Variants in ZNF407 observed in about 807,000 individuals in gnomAD.
The protein encoded by ZNF407 is zinc finger protein 407.
A neutral mutation model predicts 131.2 loss-of-function variants in ZNF407; 17 were observed. The observed-to-expected ratio is 0.13, with a 90% CI of 0.09 to 0.19. The LOEUF (loss-of-function observed/expected upper bound fraction) is 0.19. Among genes scored for constraint, ZNF407 ranks in the 10% least tolerant of loss-of-function variants. The probability of loss-of-function intolerance (pLI) is 1.00; values close to 1 mark genes in which losing one functional copy is unlikely to be tolerated. For missense variants in ZNF407, 2,681 were observed against 2,830.6 expected, an observed-to-expected ratio of 0.95 and a Z score of 1.20; for synonymous variants, 1,156 against 1,062.0, an observed-to-expected ratio of 1.09 and a Z score of -1.72.
chr18:74,755,839 C>CCCTT (rs1968942510), intron 3 of ZNF407, among the ~76,000 whole-genome samples: 5 of 121,128 alleles, frequency 4.1e-5, no homozygotes, highest in South Asian at 3.3e-4. Context: ...TCCCTTCCCT[C>CCCTT]CCTCCCTTCC....
At chr18:74,857,092 C>T (rs1476953704) in intron 4 of ZNF407, among the ~76,000 whole-genome samples, 1 of 152,184 alleles carries the variant, frequency 6.6e-6, no homozygotes, top group Non-Finnish European at 1.5e-5. Flanking sequence ...TACTGCAGCT[C>T]TAATAGTTCT....
In ZNF407 at chr18:75,064,652, C is replaced by A. The variant is rs1183825957; in HGVS notation, c.*184C>A. ...CCAGCCAGGCGCCCACAGAGGGTAC[C>A]GTGGGCTGGGCCTCGGGGAGCAGGC... On this transcript the variant is annotated 3_prime_UTR_variant, in exon 9 of 9. Coordinates refer to ENST00000299687, the MANE Select transcript of ZNF407 (RefSeq NM_017757.3). 1.6e-5 allele frequency: 9 copies of A among 555,634 alleles called. No homozygotes were observed. Among genetic ancestry groups the A allele is most frequent in the Non-Finnish European group, 2.6e-5 (9 of 342,216 alleles). The allele number at this position is 555,634 out of a possible 1,614,324, so 34.4% of individuals were successfully genotyped here. A position where few individuals can be genotyped will look rare whatever the true frequency, so the allele number is the denominator to read the frequency against.
rs1438228848 is a variant in ZNF407 at position 74,632,648 on chromosome 18, G to A, written c.1629G>A (p.Leu543=). 6.2e-7 allele frequency: 1 copy of A among 1,614,016 alleles called. No individual in the cohort carries two copies. Among genetic ancestry groups the A allele is most frequent in the Non-Finnish European group, 8.5e-7 (1 of 1,179,892 alleles). ...CGQVATNRTD[L]EIHVKRCHAR... Reference sequence around the variant, plus strand: ...AAGTAGCTACAAATAGGACAGATTTGGAAATCCATGTGAAAAGGTGCCATG... The same window carrying A: ...AAGTAGCTACAAATAGGACAGATTTAGAAATCCATGTGAAAAGGTGCCATG... The change falls in exon 2 of 9, where the codon TTG becomes TTA. Residue 543 remains leucine, a synonymous_variant. Coordinates refer to ENST00000299687, the MANE Select transcript of ZNF407 (RefSeq NM_017757.3).
At chr18:74,975,012 G>A (rs997527237) in intron 8 of ZNF407, among the ~76,000 whole-genome samples, 9 of 152,182 alleles carry the variant, frequency 5.9e-5, no homozygotes, top group African/African-American at 2.2e-4. Context: ...TTCTGGGACT[G>A]TGCCCATTAA....
Position 74,980,559 on chromosome 18 carries a change from G to A in ZNF407, c.5428+59867G>A, listed in dbSNP as rs533249022. ...ACCTCTCAGGTGATCCACCCGCCTC[G>A]GCCTCCTAAAGTGCTGAGATTACAG... On this transcript the variant is annotated intron_variant, in intron 8 of 8. Coordinates refer to ENST00000299687, the MANE Select transcript of ZNF407 (RefSeq NM_017757.3). Among the ~76,000 whole-genome samples the A allele has an allele frequency of 5.9e-5, 9 of 152,072 alleles. No homozygotes were observed. The East Asian group carries it at 1.4e-3, about 23-fold the overall frequency.
chr18:75,062,983 GAGGC>G (rs1361889205), intron 8 of ZNF407, 163 bp from the exon 9 acceptor site: 60 of 595,780 alleles, frequency 1.0e-4, no homozygotes, highest in Non-Finnish European at 1.6e-4. Flanking sequence ...GATGCCCACG[GAGGC>G]CTCTGGCCCT....
intron 3 of ZNF407, among the ~76,000 whole-genome samples, chr18:74,753,865 C>A (rs930328515): frequency 1.3e-5 from 2 of 152,074 alleles, no homozygotes; most frequent in Admixed American, 1.3e-4. Context: ...ATGATGCTGG[C>A]CTCATAAAAT....
At chr18:74,627,650 A>T (rs1389945130) in intron 1 of ZNF407, among the ~76,000 whole-genome samples, 1 of 152,034 alleles carries the variant, frequency 6.6e-6, no homozygotes, top group Non-Finnish European at 1.5e-5. Flanking sequence ...TTTCCTAAGG[A>T]TCCTTTGCAA....
intron 3 of ZNF407, among the ~76,000 whole-genome samples, chr18:74,688,977 C>T (rs776045460): frequency 7.9e-5 from 12 of 152,060 alleles, no homozygotes; most frequent in Non-Finnish European, 1.3e-4. Flanking sequence ...TACAGGCACC[C>T]GCCACCATGC....
intron 3 of ZNF407, among the ~76,000 whole-genome samples, chr18:74,665,287 A>G (rs1483141359): frequency 6.6e-6 from 1 of 152,174 alleles, no homozygotes; most frequent in African/African-American, 2.4e-5. Context: ...GTTATTAGAG[A>G]TCATTAGCCA....
chr18:74,676,708 A>C lies in ZNF407; in HGVS notation c.4802+35586A>C, dbSNP rs558771325. Among the ~76,000 whole-genome samples the C allele has an allele frequency of 5.1e-4, 77 of 152,278 alleles. No individual in the cohort carries two copies. In the South Asian group the frequency reaches 6.4e-3, roughly 13 times the overall value. On this transcript the variant is annotated intron_variant, in intron 3 of 8. Coordinates refer to ENST00000299687, the MANE Select transcript of ZNF407 (RefSeq NM_017757.3). ...CTTGGCCTCCCAGAATGCTGGGATTACAGACGTGAGCCACTGTGCCCGGCC... is the reference window on the plus strand; with the variant it reads ...CTTGGCCTCCCAGAATGCTGGGATTCCAGACGTGAGCCACTGTGCCCGGCC...
intron 6 of ZNF407, among the ~76,000 whole-genome samples, chr18:74,885,441 C>G (rs1302998772): frequency 6.6e-6 from 1 of 152,126 alleles, no homozygotes; most frequent in Non-Finnish European, 1.5e-5. Flanking sequence ...ATCGATCAAT[C>G]CAAATCCCAT....
At chr18:74,779,972 G>T (rs1969565265) in intron 3 of ZNF407, among the ~76,000 whole-genome samples, 1 of 151,606 alleles carries the variant, frequency 6.6e-6, no homozygotes, top group Non-Finnish European at 1.5e-5. Flanking sequence ...TTAAGGAAAT[G>T]AAAAATGTTA....
chr18:74,957,486 T>C, intron 8 of ZNF407, among the ~76,000 whole-genome samples: 1 of 152,102 alleles, frequency 6.6e-6, no homozygotes. Flanking sequence ...TTTGAAATTG[T>C]TCTAAGGAAT....
chr18:74,816,941 C>T (rs565723826), intron 4 of ZNF407, among the ~76,000 whole-genome samples: 1 of 152,072 alleles, frequency 6.6e-6, no homozygotes, highest in African/African-American at 2.4e-5. Flanking sequence ...CATTGATTCC[C>T]TCATATGTTT....
chr18:74,767,554 A>T (rs1340093675), intron 3 of ZNF407, among the ~76,000 whole-genome samples: 1 of 152,056 alleles, frequency 6.6e-6, no homozygotes, highest in African/African-American at 2.4e-5. Context: ...TGTAAACCTC[A>T]ATACAAGACA....
chr18:74,677,845 G>A (rs916090204), intron 3 of ZNF407, among the ~76,000 whole-genome samples: 4 of 151,844 alleles, frequency 2.6e-5, no homozygotes, highest in East Asian at 1.9e-4. Flanking sequence ...TATTCGAGAC[G>A]GAGTTTCTCT....
chr18:74,939,514 A>T (rs1208212535), intron 8 of ZNF407, among the ~76,000 whole-genome samples: 1 of 152,216 alleles, frequency 6.6e-6, no homozygotes, highest in Non-Finnish European at 1.5e-5. Flanking sequence ...TAAAAGACGG[A>T]TCTGAATAGG....
chr18:74,610,752 C>T (rs1398457841), intron 1 of ZNF407, among the ~76,000 whole-genome samples: 1 of 151,968 alleles, frequency 6.6e-6, no homozygotes, highest in African/African-American at 2.4e-5. Context: ...GGGGGTTTCA[C>T]CATGTTGGCC....
Sources: gnomAD v4.1 joint callset for allele counts (sites outside exome capture counted in the v4.1 genomes callset) on GRCh38, gnomAD v4.1.1 for gene constraint, MANE v1.5 for transcripts, NCBI Gene and HGNC (gene_info 2026-07-23, HGNC 2026-07-21) for gene names.